The following ALDOA variants were observed in gnomAD, a reference collection of about 807,000 sequenced individuals.
The protein encoded by ALDOA is aldolase, fructose-bisphosphate A.
Under a neutral mutation model 43.9 loss-of-function variants are expected in ALDOA, and 26 were observed. That is an observed-to-expected ratio of 0.59 (90% CI 0.43 to 0.82). The LOEUF is 0.82. ALDOA is among the 40% of genes least tolerant of loss of function. ALDOA has a pLI of 0.00. For synonymous variants in ALDOA, 258 were observed against 222.6 expected (o/e 1.16, Z -1.42); for missense variants, 498 against 549.5 (o/e 0.91, Z 0.94).
In ALDOA at chr16:30,069,573, G is replaced by A. The variant is rs550915077; in HGVS notation, c.861G>A (p.Met287Ile). Residue 287 changes from methionine (M) to isoleucine (I), a missense_variant, in exon 8 of 10, where the codon ATG becomes ATA. Physicochemically the swap from Met to Ile is conservative, Grantham distance 10 (BLOSUM62 1). Coordinates refer to ENST00000642816, the MANE Select transcript of ALDOA (RefSeq NM_001243177.4). ...YLEGTLLKPN[M>I]VTPGHACTQK... ...AAGGCACCTTGCTGAAGCCCAACAT[G>A]GTCACCCCAGGCCATGCTTGCACTC... 206 of 1,614,098 alleles carry A rather than the reference G, an allele frequency of 1.3e-4. 1 individual carries two copies. The South Asian group carries it at 2.1e-3, about 16-fold the overall frequency.
In ALDOA at chr16:30,069,338, C is replaced by A; in HGVS notation, c.735C>A (p.Ile245=). Residue 245 remains isoleucine, a synonymous_variant, in exon 7 of 10, where the codon ATC becomes ATA. Transcript: ENST00000642816. ...NGIVPIVEPE[I]LPDGDHDLKR... is the part of the protein sequence containing the mutation. ...TTGTGCCCATCGTGGAGCCTGAGAT[C>A]CTCCCTGATGGGGACCATGACTTGA... is the stretch of plus-strand genomic sequence containing the variant. 1 of 1,614,196 alleles carries A rather than the reference C, an allele frequency of 6.2e-7. No individual in the cohort carries two copies. The highest frequency in any genetic ancestry group is 2.2e-5 in the East Asian group (1 of 44,882).
At chr16:30,066,536 A>G (rs1355054862) in intron 1 of ALDOA, among the ~76,000 whole-genome samples, 1 of 152,196 alleles carries the variant, frequency 6.6e-6, no homozygotes, top group African/African-American at 2.4e-5. Flanking sequence ...GCCTCGGGCT[A>G]GGGCTTGTTC....
Position 30,066,940 on chromosome 16 carries a change from C to T in ALDOA, c.43C>T (p.His15Tyr). ...KPEGSSFNMT[H>Y]LSMAMAFSFP... ...AGAAGGGTCCAGCTTCAACATGACC[C>T]ACCTGTCCATGGCTATGGCCTTTTC... The change falls in exon 2 of 10, where the codon CAC (histidine) becomes TAC (tyrosine). Residue 15 changes from histidine (H) to tyrosine (Y), a missense_variant. Coordinates refer to ENST00000642816, the MANE Select transcript of ALDOA (RefSeq NM_001243177.4). The T allele has an allele frequency of 1.3e-6, 2 of 1,551,024 alleles. No homozygotes were observed. The highest frequency in any genetic ancestry group is 2.7e-5 in the African/African-American group (2 of 73,180).
chr16:30,067,365 T>C lies in ALDOA; in HGVS notation c.273T>C (p.Thr91=). The C allele has an allele frequency of 6.2e-7, 1 of 1,613,928 alleles. No homozygotes were observed. Among genetic ancestry groups the C allele is most frequent in the East Asian group, 2.2e-5 (1 of 44,870 alleles). The change falls in exon 3 of 10, where the codon ACT becomes ACC. Residue 91 remains threonine, a splice_region_variant and synonymous_variant. Transcript: ENST00000642816. ...GKGILAADES[T]GSIAKRLQSI... ...GCATCCTGGCTGCAGATGAGTCCAC[T>C]GGTGCGGGCAGGAGACAGAATGGGT...
chr16:30,065,496 G>A (rs1408330946), upstream of ALDOA, among the ~76,000 whole-genome samples: 1 of 152,192 alleles, frequency 6.6e-6, no homozygotes, highest in Non-Finnish European at 1.5e-5. Flanking sequence ...GCGCCCCAGA[G>A]CGCGCCAGGC....
At chr16:30,066,850 C>A (rs1295974079) in intron 1 of ALDOA, 35 bp from the exon 2 acceptor site, 7 of 1,533,880 alleles carry the variant, frequency 4.6e-6, no homozygotes, top group Admixed American at 2.0e-5. Flanking sequence ...ACGATCTTTA[C>A]ATTCTAAAAT....
At chr16:30,066,332 G>C (rs2072102817) in intron 1 of ALDOA, 1 of 152,564 alleles carries the variant, frequency 6.6e-6, no homozygotes, top group Admixed American at 6.5e-5. Context: ...TTCGCGAGGA[G>C]GGAAACCCCT....
rs756024464 is a variant in ALDOA at position 30,067,253 on chromosome 16, C to G, written c.161C>G (p.Thr54Ser). The change falls in exon 3 of 10, where the codon ACC becomes AGC. Residue 54 changes from threonine (T) to serine (S), a missense_variant. Coordinates refer to ENST00000642816, the MANE Select transcript of ALDOA (RefSeq NM_001243177.4). ...ATCCAGGAACTTGCTACTACCAGCA[C>G]CATGCCCTACCAATATCCAGCACTG... Reference protein sequence around the residue: ...ELGKELATTSTMPYQYPALTP... With the variant: ...ELGKELATTSSMPYQYPALTP... 1 of 1,612,298 alleles carries G rather than the reference C, an allele frequency of 6.2e-7. No individual in the cohort carries two copies. The highest frequency in any genetic ancestry group is 8.5e-7 in the Non-Finnish European group (1 of 1,180,018).
chr16:30,065,573 G>C (rs531858818), upstream of ALDOA: 7 of 152,336 alleles, frequency 4.6e-5, no homozygotes, highest in Admixed American at 1.3e-4. Context: ...ACGTCCGAGG[G>C]GGGTGGGGAG....
rs2072265242 is a variant in ALDOA at position 30,069,967 on chromosome 16, G to A, written c.1099G>A (p.Ala367Thr). The change falls in exon 9 of 10, where the codon GCC becomes ACC. Residue 367 changes from alanine (A) to threonine (T), a missense_variant. Coordinates refer to ENST00000642816, the MANE Select transcript of ALDOA (RefSeq NM_001243177.4). ...GRALQASALK[A>T]WGGKKENLKA... ...AGCCCTGCAGGCCTCTGCCCTGAAG[G>A]CCTGGGGCGGGAAGAAGGAGAACCT... The A allele has an allele frequency of 1.2e-6, 2 of 1,613,854 alleles. No homozygotes were observed. Among genetic ancestry groups the A allele is most frequent in the South Asian group, 2.2e-5 (2 of 91,084 alleles).
Position 30,067,006 on chromosome 16 carries a change from G to A in ALDOA, c.109G>A (p.Gly37Ser), listed in dbSNP as rs1233359148. ...VASGQLHPQLGNTQHQTELGK... is the reference protein window; with the variant it reads ...VASGQLHPQLSNTQHQTELGK... ...CAGTGGGCAACTCCACCCTCAGCTG[G>A]GCAACACCCAGCACCAGACAGAGTT... Residue 37 changes from glycine to serine, a missense_variant, in exon 2 of 10, where the codon GGC becomes AGC. Coordinates refer to ENST00000642816, the MANE Select transcript of ALDOA (RefSeq NM_001243177.4). The A allele has an allele frequency of 1.3e-6, 2 of 1,568,724 alleles. No homozygotes were observed. Among genetic ancestry groups the A allele is most frequent in the African/African-American group, 2.7e-5 (2 of 73,726 alleles).
At position 30,068,802 on chromosome 16, in the gene ALDOA, C is replaced by A. The variant is rs78124282; in HGVS notation, c.542-16C>A. The A allele has an allele frequency of 1.3e-3, 2,139 of 1,614,214 alleles. 26 individuals are homozygous for A. The African/African-American group carries it at 0.025, about 19-fold the overall frequency. ...GCCCCTCCCCACCGTGCTCTGACCC[C>A]TTCCTCTTCTCTTAGGGTTGGATGG... On this transcript the variant is annotated splice_polypyrimidine_tract_variant and intron_variant, in intron 5 of 9. Coordinates refer to ENST00000642816, the MANE Select transcript of ALDOA (RefSeq NM_001243177.4).
At chr16:30,064,609 G>A (rs185462650), upstream of ALDOA, 435 of 397,534 alleles carry the variant, frequency 1.1e-3, 1 homozygote, top group African/African-American at 7.8e-3. Flanking sequence ...AGGGGCTTCA[G>A]GTTTCCCTAA....
upstream of ALDOA, among the ~76,000 whole-genome samples, chr16:30,065,210 C>T (rs1310942505): frequency 1.3e-5 from 2 of 152,228 alleles, no homozygotes; most frequent in Admixed American, 1.3e-4. Flanking sequence ...TCTCGATGCC[C>T]TTTCCTCCGC....
chr16:30,067,305 T>G lies in ALDOA; in HGVS notation c.213T>G (p.Ser71=), dbSNP rs1169570428. Reference sequence around the variant, plus strand: ...CCCCGGAGCAGAAGAAGGAGCTGTCTGACATCGCTCACCGCATCGTGGCAC... The same window carrying G: ...CCCCGGAGCAGAAGAAGGAGCTGTCGGACATCGCTCACCGCATCGTGGCAC... ...ALTPEQKKEL[S]DIAHRIVAPG... The change falls in exon 3 of 10, where the codon TCT becomes TCG. Residue 71 remains serine (S), a synonymous_variant. Coordinates refer to ENST00000642816, the MANE Select transcript of ALDOA (RefSeq NM_001243177.4). 1 of 1,612,956 alleles carries G rather than the reference T, an allele frequency of 6.2e-7. No homozygotes were observed. The highest frequency in any genetic ancestry group is 8.5e-7 in the Non-Finnish European group (1 of 1,180,024).
At position 30,069,697 on chromosome 16, in the gene ALDOA, C is replaced by T. The variant is rs767080400; in HGVS notation, c.961+24C>T. The T allele has an allele frequency of 3.1e-6, 5 of 1,612,884 alleles. No individual in the cohort carries two copies. In the African/African-American group the frequency reaches 4.0e-5, roughly 13 times the overall value. ...TGGTGAGGCCCACACTCATCTTGAT[C>T]TCTATGCAGTAGATAAGCTCCACCC... is the stretch of plus-strand genomic sequence containing the variant. On this transcript the variant is annotated intron_variant, in intron 8 of 9. Transcript: ENST00000642816.
In ALDOA at chr16:30,070,238, A is replaced by G. The variant is rs1260723880; in HGVS notation, c.*26A>G. 7 of 1,610,806 alleles carry G rather than the reference A, an allele frequency of 4.3e-6. No homozygotes were observed. The highest frequency in any genetic ancestry group is 5.9e-6 in the Non-Finnish European group (7 of 1,177,264). On this transcript the variant is annotated 3_prime_UTR_variant, in exon 10 of 10. Coordinates refer to ENST00000642816, the MANE Select transcript of ALDOA (RefSeq NM_001243177.4). ...GCGGAGGTGTTCCCAGGCTGCCCCCAACACTCCAGGCCCTGCCCCCTCCCA... is the reference window on the plus strand; with the variant it reads ...GCGGAGGTGTTCCCAGGCTGCCCCCGACACTCCAGGCCCTGCCCCCTCCCA...
Position 30,066,958 on chromosome 16 carries a change from G to A in ALDOA, c.61G>A (p.Ala21Thr), listed in dbSNP as rs549434187. The change falls in exon 2 of 10, where the codon GCC becomes ACC. Residue 21 changes from alanine (A) to threonine (T), a missense_variant. Ala to Thr is a moderately conservative substitution (Grantham distance 58). Transcript: ENST00000642816. ...CATGACCCACCTGTCCATGGCTATG[G>A]CCTTTTCCTTTCCCCCAGTTGCCAG... ...FNMTHLSMAM[A>T]FSFPPVASGQ... 27 of 1,551,912 alleles carry A rather than the reference G, an allele frequency of 1.7e-5. No individual in the cohort carries two copies. The East Asian group carries it at 2.4e-4, about 14-fold the overall frequency.
rs202079871 is a variant in ALDOA at position 30,069,856 on chromosome 16, A to T, written c.988A>T (p.Ser330Cys). 6.2e-7 allele frequency: 1 copy of T among 1,614,116 alleles called. No homozygotes were observed. Among genetic ancestry groups the T allele is most frequent in the African/African-American group, 1.3e-5 (1 of 75,016 alleles). Reference sequence around the variant, plus strand: ...GATCACCTTCCTGTCTGGAGGCCAGAGTGAGGAGGAGGCGTCCATCAACCT... The same window carrying T: ...GATCACCTTCCTGTCTGGAGGCCAGTGTGAGGAGGAGGCGTCCATCAACCT... ...TGITFLSGGQ[S>C]EEEASINLNA... is the part of the protein sequence containing the mutation. The change falls in exon 9 of 10, where the codon AGT becomes TGT. Residue 330 changes from serine (S) to cysteine (C), a missense_variant. Physicochemically the swap from Ser to Cys is moderately radical, Grantham distance 112. Transcript: ENST00000642816.
Sources: gnomAD v4.1 joint callset for allele counts (sites outside exome capture counted in the v4.1 genomes callset) on GRCh38, gnomAD v4.1.1 for gene constraint, MANE v1.5 for transcripts, NCBI Gene and HGNC (gene_info 2026-07-23, HGNC 2026-07-21) for gene names.